GRK3: variants seen among roughly 807,000 people sequenced by gnomAD.
The protein encoded by GRK3 is G protein-coupled receptor kinase 3.
GRK3 carries 54 observed loss-of-function variants against 95.7 expected under a neutral mutation model. The ratio of observed to expected loss-of-function variants is 0.56; its 90% CI spans 0.45 to 0.71. The LOEUF (loss-of-function observed/expected upper bound fraction) is 0.71. Ranked by LOEUF, GRK3 falls within the 30% of genes least tolerant of loss-of-function variation. The probability of loss-of-function intolerance (pLI) is 0.00; values close to 1 mark genes in which losing one functional copy is unlikely to be tolerated. For synonymous variants in GRK3, 281 were observed against 290.8 expected, an observed-to-expected ratio of 0.97 and a Z score of 0.34; for missense variants, 649 against 851.2, an observed-to-expected ratio of 0.76 and a Z score of 2.96.
At chr22:25,595,157 A>C (rs2084363958) in intron 1 of GRK3, among the ~76,000 whole-genome samples, 1 of 152,216 alleles carries the variant, frequency 6.6e-6, no homozygotes, top group South Asian at 2.1e-4. Context: ...ATAGTACTGG[A>C]GCAGTCAGGC....
At chr22:25,583,006 C>A (rs961056364) in intron 1 of GRK3, among the ~76,000 whole-genome samples, 1 of 152,178 alleles carries the variant, frequency 6.6e-6, no homozygotes, top group Non-Finnish European at 1.5e-5. Context: ...GGAAAAATTA[C>A]ATTGCATGAC....
chr22:25,576,182 T>C (rs1280618863), intron 1 of GRK3, among the ~76,000 whole-genome samples: 1 of 151,518 alleles, frequency 6.6e-6, no homozygotes, highest in Middle Eastern at 3.2e-3. Context: ...TGGCTGGAGC[T>C]CTCTCTCGTG....
At chr22:25,663,237 C>A (rs2084921021) in intron 4 of GRK3, among the ~76,000 whole-genome samples, 1 of 152,098 alleles carries the variant, frequency 6.6e-6, no homozygotes, top group Admixed American at 6.6e-5. Context: ...GTTGCCCAGG[C>A]TGATCGCGAA....
chr22:25,690,738 C>T (rs2085158832), intron 12 of GRK3, among the ~76,000 whole-genome samples: 1 of 151,976 alleles, frequency 6.6e-6, no homozygotes, highest in Non-Finnish European at 1.5e-5. Context: ...TCTACTTTTC[C>T]TTCTTTTTCA....
chr22:25,726,983 G>T lies in GRK3; in HGVS notation c.*4533G>T. On this transcript the variant is annotated 3_prime_UTR_variant, in exon 21 of 21. Transcript: ENST00000324198. ...CACTTTGCAGCCCCCGAGGTGGAGA[G>T]GCAGTGTCTGGATCACTGTGAATGC... 6.5e-6 allele frequency: 1 copy of T among 153,628 alleles called. No homozygotes were observed. Among genetic ancestry groups the T allele is most frequent in the Non-Finnish European group, 1.4e-5 (1 of 69,634 alleles). The allele number at this position is 153,628 out of a possible 1,614,324, so 9.5% of individuals were successfully genotyped here.
intron 2 of GRK3, among the ~76,000 whole-genome samples, chr22:25,611,105 A>G (rs1206498012): frequency 6.6e-6 from 1 of 151,772 alleles, no homozygotes; most frequent in Admixed American, 6.6e-5. Context: ...CAAGCCATCT[A>G]CTCACCTCAG....
intron 9 of GRK3, among the ~76,000 whole-genome samples, chr22:25,682,786 A>G (rs2085084733): frequency 6.6e-6 from 1 of 152,232 alleles, no homozygotes. Flanking sequence ...AGATCAAGAG[A>G]CGGAAAGTTA....
chr22:25,628,321 A>G (rs1049311457), intron 2 of GRK3, among the ~76,000 whole-genome samples: 6 of 152,238 alleles, frequency 3.9e-5, no homozygotes, highest in African/African-American at 1.4e-4. Flanking sequence ...AAGTGTCCAT[A>G]TGACGTTTAA....
At chr22:25,717,978 C>T (rs1338633484) in intron 18 of GRK3, among the ~76,000 whole-genome samples, 1 of 150,606 alleles carries the variant, frequency 6.6e-6, no homozygotes, top group Non-Finnish European at 1.5e-5. Context: ...TTTTGCCCTC[C>T]CAGAGCAATA....
chr22:25,688,905 A>G (rs746994772), intron 11 of GRK3, among the ~76,000 whole-genome samples: 54 of 152,270 alleles, frequency 3.5e-4, no homozygotes, highest in Admixed American at 1.3e-3. Context: ...AGGCGAGAAG[A>G]TTCCAGGAGA....
chr22:25,710,873 G>A (rs2085338626), intron 16 of GRK3, among the ~76,000 whole-genome samples, 195 bp from the exon 17 acceptor site: 1 of 152,194 alleles, frequency 6.6e-6, no homozygotes, highest in Non-Finnish European at 1.5e-5. Context: ...CTAAAATATA[G>A]GGCCTTCCTT....
intron 1 of GRK3, among the ~76,000 whole-genome samples, chr22:25,601,129 A>G (rs2146337616): frequency 6.6e-6 from 1 of 152,358 alleles, no homozygotes; most frequent in East Asian, 1.9e-4. Flanking sequence ...ATAAGGATAT[A>G]GAAAAATCTA....
intron 5 of GRK3, among the ~76,000 whole-genome samples, chr22:25,666,499 A>G (rs1413167414): frequency 6.6e-6 from 1 of 152,182 alleles, no homozygotes; most frequent in Non-Finnish European, 1.5e-5. Context: ...CAAAGTCCAT[A>G]TGGTTTTCGC....
chr22:25,607,425 T>G (rs191973913), intron 2 of GRK3, among the ~76,000 whole-genome samples: 9 of 152,152 alleles, frequency 5.9e-5, no homozygotes, highest in African/African-American at 2.2e-4. Flanking sequence ...GATGATAATA[T>G]TTCTTGTAAT....
At chr22:25,649,904 A>T (rs2084816121) in intron 3 of GRK3, among the ~76,000 whole-genome samples, 1 of 152,198 alleles carries the variant, frequency 6.6e-6, no homozygotes, top group African/African-American at 2.4e-5. Context: ...TAGAATAAGA[A>T]ATTTTTCACT....
chr22:25,586,711 GAAT>G (rs1466809769), intron 1 of GRK3, among the ~76,000 whole-genome samples: 1 of 152,256 alleles, frequency 6.6e-6, no homozygotes, highest in African/African-American at 2.4e-5. Flanking sequence ...GCATTAGAGG[GAAT>G]GGTATTTACA....
intron 3 of GRK3, among the ~76,000 whole-genome samples, chr22:25,655,871 G>A (rs1156701290): frequency 6.6e-6 from 1 of 152,178 alleles, no homozygotes; most frequent in African/African-American, 2.4e-5. Context: ...CTAACTGTGA[G>A]TTTCAAATAG....
In GRK3 at chr22:25,722,474, C is replaced by G; in HGVS notation, c.*24C>G. On this transcript the variant is annotated 3_prime_UTR_variant, in exon 21 of 21. Transcript: ENST00000324198. Reference sequence around the variant, plus strand: ...AGCACCCAGAAACAGGGAGGGTCCTCGAGGAGGACACACCAGGGTCTCAGC... The same window carrying G: ...AGCACCCAGAAACAGGGAGGGTCCTGGAGGAGGACACACCAGGGTCTCAGC... The G allele has an allele frequency of 6.2e-7, 1 of 1,612,240 alleles. No homozygotes were observed. Among genetic ancestry groups the G allele is most frequent in the Non-Finnish European group, 8.5e-7 (1 of 1,178,614 alleles).
At position 25,704,229 on chromosome 22, in the gene GRK3, T is replaced by G. The variant is rs746535104; in HGVS notation, c.1328+20T>G. 3.2e-6 allele frequency: 5 copies of G among 1,575,116 alleles called. No individual in the cohort carries two copies. In the African/African-American group the frequency reaches 5.4e-5, roughly 17 times the overall value. ...AGGCGGGTAGGCCATTGTTCCTGCC[T>G]TTCGGTATCTTTACCAGAAGAGCAA... On this transcript the variant is annotated intron_variant, in intron 15 of 20. Transcript: ENST00000324198.
Sources: gnomAD v4.1 joint callset for allele counts (sites outside exome capture counted in the v4.1 genomes callset) on GRCh38, gnomAD v4.1.1 for gene constraint, MANE v1.5 for transcripts, NCBI Gene and HGNC (gene_info 2026-07-23, HGNC 2026-07-21) for gene names.